CHRDL1: variants seen among roughly 807,000 people sequenced by gnomAD.
CHRDL1 encodes the protein chordin-like protein 1.
In CHRDL1, 19 loss-of-function variants were observed where a neutral mutation model predicts 40.9. The observed-to-expected ratio is 0.46, with a 90% CI of 0.32 to 0.68. CHRDL1 has a LOEUF of 0.68. Ranked by LOEUF, CHRDL1 falls within the 30% of genes least tolerant of loss-of-function variation. The pLI is 0.03. For missense variants in CHRDL1, 329 were observed against 352.1 expected, an observed-to-expected ratio of 0.93 and a Z score of 0.53; for synonymous variants, 136 against 123.4, an observed-to-expected ratio of 1.10 and a Z score of -0.68.
At chrX:110,759,158 T>C (rs1261965085) in intron 4 of CHRDL1, among the ~76,000 whole-genome samples, 1 of 112,385 alleles carries the variant, frequency 8.9e-6, no homozygotes, top group Non-Finnish European at 1.9e-5. Context: ...AATGTGTACA[T>C]AATAACTGCA....
At chrX:110,695,843 G>A (rs1467581876) in intron 7 of CHRDL1, among the ~76,000 whole-genome samples, 3 of 112,137 alleles carry the variant, frequency 2.7e-5, no homozygotes, top group East Asian at 2.8e-4. Flanking sequence ...TGAAGTAAGA[G>A]GACCTTTTTT....
intron 2 of CHRDL1, among the ~76,000 whole-genome samples, chrX:110,768,487 G>C (rs1203233747): frequency 9.0e-6 from 1 of 110,663 alleles, no homozygotes; most frequent in East Asian, 2.9e-4. Flanking sequence ...ATTTGAGTCA[G>C]TAGACTGGGA....
At chrX:110,724,629 G>T (rs1011074769) in intron 4 of CHRDL1, among the ~76,000 whole-genome samples, 1 of 110,002 alleles carries the variant, frequency 9.1e-6, no homozygotes, top group African/African-American at 3.3e-5. Context: ...TAACAAGAGA[G>T]CCAACTCAGA....
rs552710967 is a variant in CHRDL1 at position 110,784,489 on chromosome X, G to A, written c.94+7599C>T. Among the ~76,000 whole-genome samples the A allele has an allele frequency of 4.5e-5, 5 of 110,542 alleles. No individual in the cohort carries two copies. In the East Asian group the frequency reaches 8.6e-4, roughly 19 times the overall value. ...TGCAGTGGCACAATCTCGGCTCACT[G>A]CAACCTCCGCCTCCTGGGTTCAAGT... On this transcript the variant is annotated intron_variant, in intron 2 of 11. Transcript: ENST00000372042.
chrX:110,682,609 A>G (rs762124790), intron 9 of CHRDL1, among the ~76,000 whole-genome samples: 4 of 112,373 alleles, frequency 3.6e-5, no homozygotes, highest in Admixed American at 9.4e-5. Context: ...TGAGGATGAA[A>G]CCACTGAGTG....
At chrX:110,794,450 C>A (rs755073812) in intron 1 of CHRDL1, among the ~76,000 whole-genome samples, 6 of 111,469 alleles carry the variant, frequency 5.4e-5, no homozygotes, top group African/African-American at 1.3e-4. Flanking sequence ...ACAACAACAA[C>A]AAAAAAACAA....
At chrX:110,686,971 C>G (rs2070038209) in intron 9 of CHRDL1, among the ~76,000 whole-genome samples, 1 of 110,222 alleles carries the variant, frequency 9.1e-6, no homozygotes, top group Non-Finnish European at 1.9e-5. Context: ...TTTCAATGCC[C>G]CAGTTCTCTA....
intron 2 of CHRDL1, among the ~76,000 whole-genome samples, chrX:110,766,658 A>G (rs2089666965): frequency 9.2e-6 from 1 of 108,283 alleles, no homozygotes; most frequent in Non-Finnish European, 1.9e-5. Flanking sequence ...AGATACCCTG[A>G]ACAAACCAAT....
At chrX:110,779,188 AC>A (rs751264086) in intron 2 of CHRDL1, among the ~76,000 whole-genome samples, 109 of 110,132 alleles carry the variant, frequency 9.9e-4, no homozygotes, top group African/African-American at 3.1e-3. Context: ...CTGTACACCA[AC>A]CCCCCGTGAC....
At chrX:110,737,760 C>A (rs1368540164) in intron 4 of CHRDL1, among the ~76,000 whole-genome samples, 1 of 111,758 alleles carries the variant, frequency 8.9e-6, no homozygotes, top group Non-Finnish European at 1.9e-5. Context: ...CATCCATAAC[C>A]TTTGTTTCCA....
chrX:110,759,836 A>G (rs2089529865), intron 3 of CHRDL1, 82 bp from the exon 4 acceptor site: 1 of 643,823 alleles, frequency 1.6e-6, no homozygotes, highest in Non-Finnish European at 2.6e-6. Context: ...ACAGTCATGC[A>G]GGGACTCACC....
At chrX:110,714,427 A>T (rs891694905) in intron 6 of CHRDL1, among the ~76,000 whole-genome samples, 2 of 112,098 alleles carry the variant, frequency 1.8e-5, no homozygotes, top group African/African-American at 6.5e-5. Context: ...AATGAATGAG[A>T]GCATGTCTTT....
intron 2 of CHRDL1, among the ~76,000 whole-genome samples, chrX:110,779,688 A>G (rs1382516355): frequency 9.0e-6 from 1 of 111,157 alleles, no homozygotes; most frequent in Non-Finnish European, 1.9e-5. Flanking sequence ...TACCATATAC[A>G]CTTTAGAGTC....
intron 7 of CHRDL1, among the ~76,000 whole-genome samples, chrX:110,697,863 C>G (rs970296312): frequency 9.5e-6 from 1 of 105,347 alleles, no homozygotes; most frequent in Admixed American, 1.0e-4. Flanking sequence ...CACACACACA[C>G]ACACACACAC....
intron 4 of CHRDL1, among the ~76,000 whole-genome samples, chrX:110,730,798 G>A (rs1451807414): frequency 9.0e-6 from 1 of 111,434 alleles, no homozygotes; most frequent in Non-Finnish European, 1.9e-5. Context: ...ATGTTTTCCA[G>A]AATTGCTAAA....
chrX:110,681,349 T>C, intron 10 of CHRDL1, 133 bp downstream of exon 10: 5 of 519,004 alleles, frequency 9.6e-6, no homozygotes, highest in Non-Finnish European at 1.7e-5. Flanking sequence ...GTGTTAGATA[T>C]GTCAGTTTCT....
chrX:110,689,448 A>C (rs181711726), intron 8 of CHRDL1, among the ~76,000 whole-genome samples: 6,493 of 45,272 alleles, frequency 0.14, 1,609 homozygotes, highest in Non-Finnish European at 0.17. Flanking sequence ...ATCTATATAT[A>C]TCTATATATC....
At chrX:110,723,452 A>G (rs954909905) in intron 4 of CHRDL1, among the ~76,000 whole-genome samples, 1 of 111,770 alleles carries the variant, frequency 8.9e-6, no homozygotes, top group Admixed American at 9.4e-5. Flanking sequence ...GGCTCTTACT[A>G]ATAATGTTCT....
intron 6 of CHRDL1, among the ~76,000 whole-genome samples, chrX:110,718,463 C>A (rs1003698589): frequency 1.8e-5 from 2 of 112,407 alleles, no homozygotes; most frequent in Admixed American, 9.4e-5. Context: ...CCTTCAGAAT[C>A]CTGCATGGTC....
Sources: allele counts gnomAD v4.1 joint callset (sites outside exome capture counted in the v4.1 genomes callset), GRCh38; gene constraint gnomAD v4.1.1; transcripts MANE v1.5; gene names NCBI Gene and HGNC (gene_info 2026-07-23, HGNC 2026-07-21).